The following EPB41L1 variants were observed in gnomAD, a reference collection of about 807,000 sequenced individuals.
EPB41L1 encodes erythrocyte membrane protein band 4.1 like 1, also known as band 4.1-like protein 1.
EPB41L1 carries 29 observed loss-of-function variants against 97.8 expected under a neutral mutation model. The observed-to-expected ratio is 0.30, with a 90% CI of 0.22 to 0.40. The LOEUF (loss-of-function observed/expected upper bound fraction) is 0.40, where lower values mean the gene tolerates loss of function less well. EPB41L1 is among the 10% of genes least tolerant of loss of function. The probability of loss-of-function intolerance (pLI) is 1.00; values close to 1 mark genes in which losing one functional copy is unlikely to be tolerated. For missense variants in EPB41L1, 812 were observed against 1,162.3 expected, an observed-to-expected ratio of 0.70 and a Z score of 4.38; for synonymous variants, 383 against 459.2, an observed-to-expected ratio of 0.83 and a Z score of 2.12.
chr20:36,227,475 G>C (rs2064236186), intron 21 of EPB41L1, among the ~76,000 whole-genome samples: 1 of 152,206 alleles, frequency 6.6e-6, no homozygotes, highest in Non-Finnish European at 1.5e-5. Context: ...TGGAGTTGCT[G>C]TAATAACTAA....
chr20:36,117,230 T>G (rs575127204), intron 2 of EPB41L1, among the ~76,000 whole-genome samples: 1 of 152,138 alleles, frequency 6.6e-6, no homozygotes, highest in South Asian at 2.1e-4. Flanking sequence ...TCGTCCTGGA[T>G]TGCTGCCTGC....
At chr20:36,210,895 C>T (rs889971598) in intron 15 of EPB41L1, among the ~76,000 whole-genome samples, 12 of 152,130 alleles carry the variant, frequency 7.9e-5, no homozygotes, top group Non-Finnish European at 1.3e-4. Flanking sequence ...TACAGGGTTG[C>T]AACCATCTAT....
At position 36,209,935 on chromosome 20, in the gene EPB41L1, G is replaced by C. The variant is rs1254747504; in HGVS notation, c.2079+37G>C. ...CTTCCTCAAGAGCCAGGCCCGCTGGGCACCGCATGCTCAGAGGGCCCTGGG... is the reference window on the plus strand; with the variant it reads ...CTTCCTCAAGAGCCAGGCCCGCTGGCCACCGCATGCTCAGAGGGCCCTGGG... On this transcript the variant is annotated intron_variant, in intron 15 of 21. Coordinates refer to ENST00000338074, the MANE Select transcript of EPB41L1 (RefSeq NM_012156.2). This position sits in a 1 kb window ranked among gnomAD's most constrained non-coding sequence, Gnocchi z 4.2. 6.2e-7 allele frequency: 1 copy of C among 1,607,692 alleles called. No homozygotes were observed. Among genetic ancestry groups the C allele is most frequent in the Admixed American group, 1.7e-5 (1 of 59,444 alleles).
intron 1 of EPB41L1, among the ~76,000 whole-genome samples, chr20:36,095,146 A>G (rs2057788406): frequency 6.6e-6 from 1 of 151,752 alleles, no homozygotes; most frequent in Admixed American, 6.6e-5. Context: ...TAATTTTTGT[A>G]TTTTTAGTAG....
intron 14 of EPB41L1, among the ~76,000 whole-genome samples, chr20:36,202,814 A>G (rs2062572423): frequency 6.7e-6 from 1 of 149,638 alleles, no homozygotes; most frequent in African/African-American, 2.4e-5. Flanking sequence ...CCGTCTCAAA[A>G]AAAAAAAAAA....
At chr20:36,119,681 G>C (rs1027909109) in intron 2 of EPB41L1, among the ~76,000 whole-genome samples, 3 of 150,238 alleles carry the variant, frequency 2.0e-5, no homozygotes, top group Non-Finnish European at 1.5e-5. Flanking sequence ...GGAAGGGAGG[G>C]GAAGGGAAGG....
chr20:36,160,963 G>T (rs948611897), intron 1 of EPB41L1, among the ~76,000 whole-genome samples: 1 of 152,174 alleles, frequency 6.6e-6, no homozygotes, highest in Non-Finnish European at 1.5e-5. Context: ...TCTAAGTAAC[G>T]CTAACTGAAC....
At chr20:36,194,509 A>C (rs1569276052) in intron 12 of EPB41L1, 149 bp downstream of exon 12, 7 of 1,091,932 alleles carry the variant, frequency 6.4e-6, no homozygotes. Context: ...CCTTTGGGTC[A>C]TCTCTCAATA....
chr20:36,142,880 C>T (rs1296694786), intron 2 of EPB41L1, among the ~76,000 whole-genome samples: 3 of 152,164 alleles, frequency 2.0e-5, no homozygotes, highest in Non-Finnish European at 4.4e-5. Flanking sequence ...GTGTGATCAG[C>T]GTAGTCACCA....
chr20:36,133,814 C>T (rs562332364), intron 2 of EPB41L1, among the ~76,000 whole-genome samples: 2 of 149,344 alleles, frequency 1.3e-5, no homozygotes, highest in East Asian at 2.0e-4. Context: ...GCCGAGATCA[C>T]GCCACTGCAT....
intron 2 of EPB41L1, 52 bp downstream of exon 2, chr20:36,174,006 G>A (rs908201468): frequency 1.3e-6 from 2 of 1,566,678 alleles, no homozygotes. Flanking sequence ...CGTCCTCCAG[G>A]TCCAGTTCTT....
intron 3 of EPB41L1, among the ~76,000 whole-genome samples, chr20:36,177,436 G>C (rs1429387981): frequency 1.3e-5 from 2 of 152,194 alleles, no homozygotes; most frequent in African/African-American, 4.8e-5. Flanking sequence ...CTGGCTGTGG[G>C]GAAGGGAGTG....
At chr20:36,111,203 AC>A (rs1327240946) in intron 1 of EPB41L1, among the ~76,000 whole-genome samples, 2 of 152,192 alleles carry the variant, frequency 1.3e-5, no homozygotes, top group Non-Finnish European at 2.9e-5. Flanking sequence ...AAGTGTTAGA[AC>A]CAGAATTCAA....
chr20:36,219,014 G>T, intron 18 of EPB41L1, 52 bp downstream of exon 18: 4 of 1,574,134 alleles, frequency 2.5e-6, no homozygotes, highest in Non-Finnish European at 2.6e-6. Flanking sequence ...GAGAATATGG[G>T]CATGGACCCA....
At chr20:36,142,927 C>T (rs972373492) in intron 2 of EPB41L1, among the ~76,000 whole-genome samples, 2 of 152,188 alleles carry the variant, frequency 1.3e-5, no homozygotes, top group Non-Finnish European at 2.9e-5. Context: ...GCATGGCCTC[C>T]GTGGCCATGC....
intron 1 of EPB41L1, among the ~76,000 whole-genome samples, chr20:36,162,220 T>G (rs989724249): frequency 6.6e-6 from 1 of 152,234 alleles, no homozygotes; most frequent in African/African-American, 2.4e-5. Context: ...CTGCCCACTC[T>G]CAACAGTGGC....
At chr20:36,173,438 G>A (rs116283051) in intron 1 of EPB41L1, among the ~76,000 whole-genome samples, 2,866 of 152,252 alleles carry the variant, frequency 0.019, 26 homozygotes, top group Middle Eastern at 0.034. Context: ...GCCTGGAGGC[G>A]GCCACTGGCA....
intron 1 of EPB41L1, among the ~76,000 whole-genome samples, chr20:36,103,297 A>G (rs2058077298): frequency 6.6e-6 from 1 of 152,194 alleles, no homozygotes; most frequent in African/African-American, 2.4e-5. Flanking sequence ...TTCTTAATTG[A>G]GGCTTACTAA....
At chr20:36,223,601 G>T (rs2063919047) in intron 21 of EPB41L1, among the ~76,000 whole-genome samples, 2 of 152,112 alleles carry the variant, frequency 1.3e-5, no homozygotes, top group Admixed American at 6.6e-5. Context: ...TAAACTGTAT[G>T]ATTCCATTCG....
Sources: allele counts gnomAD v4.1 joint callset (sites outside exome capture counted in the v4.1 genomes callset), GRCh38; gene constraint gnomAD v4.1.1; non-coding constraint Gnocchi (gnomAD v3.1); transcripts MANE v1.5; gene names NCBI Gene and HGNC (gene_info 2026-07-23, HGNC 2026-07-21).